The following ADGRV1 variants were observed in gnomAD, a reference collection of about 807,000 sequenced individuals.
ADGRV1 encodes G-protein coupled receptor 98.
In ADGRV1, 359 loss-of-function variants were observed where a neutral mutation model predicts 596.2. That is an observed-to-expected ratio of 0.60 (90% CI 0.55 to 0.66). ADGRV1 has a LOEUF of 0.66. ADGRV1 is among the 30% of genes least tolerant of loss of function. The pLI, the probability that ADGRV1 is intolerant of heterozygous loss-of-function variation, is 0.00. For missense variants in ADGRV1, 7,274 were observed against 7,575.6 expected, an observed-to-expected ratio of 0.96 and a Z score of 1.48; for synonymous variants, 2,681 against 2,679.2, an observed-to-expected ratio of 1.00 and a Z score of -0.02.
At chr5:90,829,763 A>G (rs920481226) in intron 77 of ADGRV1, among the ~76,000 whole-genome samples, 2 of 152,032 alleles carry the variant, frequency 1.3e-5, no homozygotes, top group Non-Finnish European at 2.9e-5. Flanking sequence ...AATACCATAT[A>G]CCTTTCAGCC....
intron 87 of ADGRV1, among the ~76,000 whole-genome samples, chr5:91,128,748 A>G (rs1271416614): frequency 1.3e-5 from 2 of 152,222 alleles, no homozygotes; most frequent in Non-Finnish European, 2.9e-5. Flanking sequence ...TGGCCACATT[A>G]ATTCCAGAAT....
chr5:90,647,022 T>G (rs1226002957), intron 16 of ADGRV1, among the ~76,000 whole-genome samples: 1 of 152,180 alleles, frequency 6.6e-6, no homozygotes, highest in Non-Finnish European at 1.5e-5. Context: ...TCTGCCCGCC[T>G]TGGCCTCCCA....
At chr5:91,131,305 G>A (rs1380040676) in intron 87 of ADGRV1, among the ~76,000 whole-genome samples, 2 of 151,958 alleles carry the variant, frequency 1.3e-5, no homozygotes, top group African/African-American at 4.8e-5. Context: ...TTTAAGATTG[G>A]TATGAGATGA....
At chr5:91,052,108 T>C (rs1786390280) in intron 85 of ADGRV1, among the ~76,000 whole-genome samples, 1 of 152,148 alleles carries the variant, frequency 6.6e-6, no homozygotes, top group Non-Finnish European at 1.5e-5. Flanking sequence ...TCCTTTTCTT[T>C]TTCTTTTCAA....
chr5:90,689,332 CTTTTTTTTTTTTT>C (rs34756274), intron 29 of ADGRV1, among the ~76,000 whole-genome samples: 1 of 104,438 alleles, frequency 9.6e-6, no homozygotes, highest in Non-Finnish European at 1.8e-5. Flanking sequence ...CCCCACCCAC[CTTTTTTTTTTTTT>C]TTTTTTTTTT....
At chr5:91,108,625 C>T (rs529667806) in intron 87 of ADGRV1, among the ~76,000 whole-genome samples, 2 of 152,170 alleles carry the variant, frequency 1.3e-5, no homozygotes, top group African/African-American at 4.8e-5. Flanking sequence ...GACAGGGTCT[C>T]GTTGTTTCTC....
chr5:90,787,765 A>G (rs1216938603), intron 67 of ADGRV1, among the ~76,000 whole-genome samples: 1 of 151,594 alleles, frequency 6.6e-6, no homozygotes, highest in Admixed American at 6.6e-5. Context: ...TAATTTTTGT[A>G]ATTTTAGTAG....
At chr5:90,843,355 C>G (rs1459179208) in intron 78 of ADGRV1, among the ~76,000 whole-genome samples, 2 of 152,126 alleles carry the variant, frequency 1.3e-5, no homozygotes, top group Admixed American at 6.5e-5. Context: ...AGTTCAAAAA[C>G]TGAAGCATAG....
chr5:90,788,589 A>G (rs1231298538), intron 68 of ADGRV1, among the ~76,000 whole-genome samples: 2 of 152,180 alleles, frequency 1.3e-5, no homozygotes, highest in Non-Finnish European at 2.9e-5. Context: ...TGACAGTTTT[A>G]GAGCAGAGGT....
intron 1 of ADGRV1, among the ~76,000 whole-genome samples, chr5:90,561,051 G>A (rs541553937): frequency 4.6e-5 from 7 of 152,212 alleles, no homozygotes; most frequent in South Asian, 4.1e-4. Flanking sequence ...CACATTTATT[G>A]AATATACGTT....
chr5:90,949,097 C>G (rs1351781935), intron 83 of ADGRV1, among the ~76,000 whole-genome samples: 2 of 152,086 alleles, frequency 1.3e-5, no homozygotes, highest in Non-Finnish European at 2.9e-5. Context: ...GTTAATCTCA[C>G]AGATACTTGT....
chr5:90,760,530 A>G (rs1366183342), intron 58 of ADGRV1, among the ~76,000 whole-genome samples: 1 of 152,284 alleles, frequency 6.6e-6, no homozygotes, highest in Non-Finnish European at 1.5e-5. Context: ...CAGACCACCA[A>G]TCTGGTCACA....
intron 70 of ADGRV1, among the ~76,000 whole-genome samples, chr5:90,794,303 A>G (rs1315738123): frequency 6.6e-6 from 1 of 152,208 alleles, no homozygotes; most frequent in Non-Finnish European, 1.5e-5. Context: ...TCGAGTGTCA[A>G]CTGTTAGCAC....
At chr5:91,081,178 A>G (rs931202685) in intron 86 of ADGRV1, among the ~76,000 whole-genome samples, 6 of 152,094 alleles carry the variant, frequency 3.9e-5, no homozygotes, top group African/African-American at 7.2e-5. Flanking sequence ...GTCTCTTCTT[A>G]TAAGGACACT....
At chr5:91,046,045 A>G (rs1043252898) in intron 85 of ADGRV1, among the ~76,000 whole-genome samples, 8 of 152,240 alleles carry the variant, frequency 5.3e-5, no homozygotes, top group African/African-American at 1.9e-4. Flanking sequence ...AACGCATCCC[A>G]TGCTCATGGA....
At chr5:91,121,136 T>G (rs2126746179) in intron 87 of ADGRV1, among the ~76,000 whole-genome samples, 1 of 152,246 alleles carries the variant, frequency 6.6e-6, no homozygotes. Context: ...ATCATGCCAT[T>G]GCACTCTAGG....
chr5:90,993,356 A>G (rs1562058889), intron 85 of ADGRV1, among the ~76,000 whole-genome samples: 1 of 151,698 alleles, frequency 6.6e-6, no homozygotes, highest in South Asian at 2.1e-4. Flanking sequence ...ACGGGGTTTC[A>G]CCATATTGGC....
intron 29 of ADGRV1, among the ~76,000 whole-genome samples, chr5:90,689,375 A>G (rs1283992238): frequency 7.3e-6 from 1 of 137,302 alleles, no homozygotes; most frequent in Non-Finnish European, 1.5e-5. Context: ...CATCCTGAGC[A>G]GTACTCAGTA....
At chr5:90,670,454 G>T (rs1561495625) in intron 21 of ADGRV1, among the ~76,000 whole-genome samples, 2 of 152,094 alleles carry the variant, frequency 1.3e-5, no homozygotes, top group Admixed American at 6.5e-5. Flanking sequence ...GGGCTTGGAA[G>T]AATCAAGACT....
Sources: allele counts gnomAD v4.1 joint callset (sites outside exome capture counted in the v4.1 genomes callset), GRCh38; gene constraint gnomAD v4.1.1; transcripts MANE v1.5; gene names NCBI Gene and HGNC (gene_info 2026-07-23, HGNC 2026-07-21).